The following RNF24 variants were observed in gnomAD, a reference collection of about 807,000 sequenced individuals.
RNF24 encodes ring finger protein 24.
Under a neutral mutation model 20.0 loss-of-function variants are expected in RNF24, and 14 were observed. That is an observed-to-expected ratio of 0.70 (90% CI 0.46 to 1.10). The LOEUF (loss-of-function observed/expected upper bound fraction) is 1.10. RNF24 is among the 50% of genes least tolerant of loss of function. The pLI, the probability that RNF24 is intolerant of heterozygous loss-of-function variation, is 0.00. For missense variants in RNF24, 124 were observed against 177.6 expected (o/e 0.70, Z 1.71); for synonymous variants, 45 against 61.1 (o/e 0.74, Z 1.23).
chr20:3,935,060 C>A lies in RNF24; in HGVS notation c.242G>T (p.Cys81Phe). Residue 81 changes from cysteine to phenylalanine, a missense_variant, in exon 5 of 6, where the codon TGC becomes TTC. Cys to Phe is a radical substitution (Grantham distance 205). Transcript: ENST00000358395. ...ELNLHELCAV[C>F]LEDFKPRDEL... ...ATCTCGAGGCTTGAAGTCTTCTAGG[C>A]ACACTGCACAGAGCTGAAAGACAAA... 1 of 1,613,898 alleles carries A rather than the reference C, an allele frequency of 6.2e-7. No individual in the cohort carries two copies.
intron 1 of RNF24, among the ~76,000 whole-genome samples, chr20:3,979,164 G>A (rs2147022931): frequency 6.6e-6 from 1 of 150,848 alleles, no homozygotes; most frequent in East Asian, 1.9e-4. Context: ...GTGTGTGCGT[G>A]TGTGTGTATA....
At chr20:3,995,826 C>T (rs1264346796) in intron 1 of RNF24, among the ~76,000 whole-genome samples, 2 of 147,022 alleles carry the variant, frequency 1.4e-5, no homozygotes, top group African/African-American at 5.0e-5. Context: ...TTTGGTTCTG[C>T]TTTTTTTTTT....
At chr20:3,980,586 A>G (rs112000877) in intron 1 of RNF24, among the ~76,000 whole-genome samples, 113 of 152,332 alleles carry the variant, frequency 7.4e-4, no homozygotes, top group African/African-American at 2.6e-3. Context: ...AACTGCAGAA[A>G]GCGAAACTGA....
At chr20:3,980,060 TAA>T (rs896544924) in intron 1 of RNF24, among the ~76,000 whole-genome samples, 2 of 152,122 alleles carry the variant, frequency 1.3e-5, no homozygotes, top group African/African-American at 4.8e-5. Context: ...ATGAGACAGA[TAA>T]AAAAATTCTT....
intron 1 of RNF24, among the ~76,000 whole-genome samples, chr20:3,981,183 A>G (rs1979350928): frequency 6.6e-6 from 1 of 152,118 alleles, no homozygotes; most frequent in African/African-American, 2.4e-5. Context: ...AAAAGAAAAG[A>G]AATTGATGGT....
At chr20:3,961,926 A>G (rs2091206371) in intron 2 of RNF24, among the ~76,000 whole-genome samples, 1 of 152,186 alleles carries the variant, frequency 6.6e-6, no homozygotes, top group Admixed American at 6.5e-5. Flanking sequence ...TGTTTATCAA[A>G]CTATTATTAA....
At chr20:3,986,571 T>C (rs1979927806) in intron 1 of RNF24, among the ~76,000 whole-genome samples, 1 of 152,012 alleles carries the variant, frequency 6.6e-6, no homozygotes, top group South Asian at 2.1e-4. Flanking sequence ...TCTTCTTCTG[T>C]TTTTGTGCCT....
chr20:3,988,738 C>T (rs1568654943), intron 1 of RNF24, among the ~76,000 whole-genome samples: 3 of 152,056 alleles, frequency 2.0e-5, no homozygotes, highest in South Asian at 2.1e-4. Context: ...GGATTACAAG[C>T]GTGAGCCACA....
chr20:3,982,494 C>T (rs1292652920), intron 1 of RNF24, among the ~76,000 whole-genome samples: 1 of 149,714 alleles, frequency 6.7e-6, no homozygotes. Flanking sequence ...GGAGAATCGC[C>T]TGAACCCAGG....
In RNF24 at chr20:3,945,236, A is replaced by G. The variant is rs2091002748; in HGVS notation, c.187-18T>C. The G allele has an allele frequency of 6.3e-7, 1 of 1,576,222 alleles. No homozygotes were observed. The highest frequency in any genetic ancestry group is 1.4e-5 in the African/African-American group (1 of 73,184). On this transcript the variant is annotated intron_variant, in intron 3 of 5. Transcript: ENST00000358395. ...AATATAACCTGTAAGACAAAAAAGT[A>G]TGTTCTTATGCCCATTTAAATCTGT...
At chr20:3,963,699 A>T (rs181987164) in intron 2 of RNF24, among the ~76,000 whole-genome samples, 176 bp downstream of exon 2, 1 of 152,368 alleles carries the variant, frequency 6.6e-6, no homozygotes. Flanking sequence ...ATAAGATTGA[A>T]GATCATATAA....
rs1289687868 is a variant in RNF24, at chr20:3,931,523, TG to T, written c.*2539del. On this transcript the variant is annotated 3_prime_UTR_variant, in exon 6 of 6. Transcript: ENST00000358395. The stretch of plus-strand genomic sequence containing the variant: ...ATGCAGATGCGCAGGCCCATCCTGG[TG>T]GAGGACCCAGATGCAGGGAGCAAAT... 2.0e-5 allele frequency: 3 copies of T among 152,230 alleles called. No individual in the cohort carries two copies. The highest frequency in any genetic ancestry group is 7.2e-5 in the African/African-American group (3 of 41,458). 9.4% of individuals were successfully genotyped at this position (152,230 alleles called of 1,614,324 possible). A position where few individuals can be genotyped will look rare whatever the true frequency, so the allele number is the denominator to read the frequency against.
intron 2 of RNF24, among the ~76,000 whole-genome samples, chr20:3,953,550 C>T (rs1400761017): frequency 2.7e-5 from 4 of 150,558 alleles, no homozygotes; most frequent in South Asian, 2.1e-4. Flanking sequence ...CTGCCACCTC[C>T]GCCTCCCAGG....
chr20:3,956,029 G>A lies in RNF24; in HGVS notation c.144-7750C>T, dbSNP rs560099851. 8.5e-4 allele frequency among the ~76,000 whole-genome samples: 129 copies of A among 152,152 alleles called. 1 individual carries two copies. The South Asian group carries it at 0.025, about 30-fold the overall frequency. ...TTAGTTCCAGTAGTTTTTTTTGTGT[G>A]TGTGTGGATCCTACGGGATTTTCTC... On this transcript the variant is annotated intron_variant, in intron 2 of 5. Transcript: ENST00000358395.
At chr20:3,955,892 T>A (rs778708782) in intron 2 of RNF24, among the ~76,000 whole-genome samples, 2 of 152,208 alleles carry the variant, frequency 1.3e-5, no homozygotes, top group Non-Finnish European at 2.9e-5. Flanking sequence ...TGGATGCTAT[T>A]GTAAATGGGA....
chr20:3,995,190 C>T (rs1168680472), intron 1 of RNF24, among the ~76,000 whole-genome samples: 4 of 152,114 alleles, frequency 2.6e-5, no homozygotes. Flanking sequence ...GAGAGTTACC[C>T]ACATCCACCT....
At chr20:3,963,776 C>A in intron 2 of RNF24, 99 bp downstream of exon 2, 3 of 980,416 alleles carry the variant, frequency 3.1e-6, no homozygotes, top group Non-Finnish European at 2.9e-6. Context: ...TAAAAATTTG[C>A]CAATTATCAT....
intron 1 of RNF24, among the ~76,000 whole-genome samples, chr20:4,003,633 CTTTTTTTT>C (rs377227990): frequency 4.7e-5 from 4 of 84,432 alleles, no homozygotes; most frequent in African/African-American, 4.8e-5. Context: ...TTAGAAACTC[CTTTTTTTT>C]TTTTTTTTTT....
chr20:3,928,243 AT>A lies in RNF24; in HGVS notation c.*5819del, dbSNP rs988103537. 6.6e-6 allele frequency: 1 copy of A among 152,084 alleles called. No individual in the cohort carries two copies. The highest frequency in any genetic ancestry group is 1.5e-5 in the Non-Finnish European group (1 of 68,056). 9.4% of individuals were successfully genotyped at this position (152,084 alleles called of 1,614,324 possible). A position where few individuals can be genotyped will look rare whatever the true frequency, so the allele number is the denominator to read the frequency against. The stretch of plus-strand genomic sequence containing the variant: ...GCCAGAAGAGTGGATGTGATAGAGA[AT>A]TTTTTCTCAAGTTTTGGGTTAGGGC... On this transcript the variant is annotated 3_prime_UTR_variant, in exon 6 of 6. Coordinates refer to ENST00000358395, the MANE Select transcript of RNF24 (RefSeq NM_001134337.3).
Sources: allele counts gnomAD v4.1 joint callset (sites outside exome capture counted in the v4.1 genomes callset), GRCh38; gene constraint gnomAD v4.1.1; transcripts MANE v1.5; gene names NCBI Gene and HGNC (gene_info 2026-07-23, HGNC 2026-07-21).